MTREX: variants seen among roughly 807,000 people sequenced by gnomAD.
The protein encoded by MTREX is exosome RNA helicase MTR4.
Under a neutral mutation model 135.4 loss-of-function variants are expected in MTREX, and 76 were observed. That is an observed-to-expected ratio of 0.56 (90% CI 0.47 to 0.68). MTREX has a LOEUF of 0.68. Among genes scored for constraint, MTREX ranks in the 30% least tolerant of loss-of-function variants. The pLI is 0.00. For synonymous variants in MTREX, 404 were observed against 401.6 expected, an observed-to-expected ratio of 1.01 and a Z score of -0.07; for missense variants, 920 against 1,262.1, an observed-to-expected ratio of 0.73 and a Z score of 4.11.
chr5:55,359,606 T>C (rs1242862512), intron 15 of MTREX, among the ~76,000 whole-genome samples: 1 of 152,214 alleles, frequency 6.6e-6, no homozygotes, highest in Non-Finnish European at 1.5e-5. Flanking sequence ...ATAATCGTAT[T>C]GTGTCTTATT....
intron 16 of MTREX, 132 bp from the exon 17 acceptor site, chr5:55,378,182 T>G: frequency 9.6e-7 from 1 of 1,038,290 alleles, no homozygotes; most frequent in Non-Finnish European, 1.3e-6. Context: ...CATAGAGACT[T>G]ACAGGAAGGT....
chr5:55,358,451 T>G (rs1169252483), intron 14 of MTREX, 122 bp from the exon 15 acceptor site: 3 of 834,594 alleles, frequency 3.6e-6, no homozygotes, highest in Non-Finnish European at 5.3e-6. Context: ...ATGTTGTTTT[T>G]AATCATGTTT....
At chr5:55,388,387 A>T (rs1750512458) in intron 19 of MTREX, among the ~76,000 whole-genome samples, 1 of 152,136 alleles carries the variant, frequency 6.6e-6, no homozygotes, top group South Asian at 2.1e-4. Context: ...GGATTTTGCC[A>T]GGGCCATAAA....
At position 55,425,321 on chromosome 5, in the gene MTREX, GATAC is replaced by G; in HGVS notation, c.*553_*556del. 1 of 1,603,286 alleles carries G rather than the reference GATAC, an allele frequency of 6.2e-7. No homozygotes were observed. Among genetic ancestry groups the G allele is most frequent in the Non-Finnish European group, 8.5e-7 (1 of 1,170,928 alleles). On this transcript the variant is annotated 3_prime_UTR_variant, in exon 27 of 27. Transcript: ENST00000230640. ...AGAAGTTCTTTCTTTGAAGAAATCC[GATAC>G]ATATACAGCCTACAGTGCAAAATAT...
At chr5:55,329,715 C>T (rs1369614224) in intron 5 of MTREX, among the ~76,000 whole-genome samples, 1 of 152,132 alleles carries the variant, frequency 6.6e-6, no homozygotes, top group Admixed American at 6.5e-5. Flanking sequence ...TTTTGACTTG[C>T]ATAGTTTATG....
chr5:55,400,256 C>T lies in MTREX; in HGVS notation c.2316C>T (p.Asp772=), dbSNP rs143135345. ...SIQEVQKRFP[D]GIPLLDPIDD... ...AGGAAGTTCAGAAACGTTTTCCTGA[C>T]GGCATCCCCTTATTAGACCCTATTG... The change falls in exon 21 of 27, where the codon GAC becomes GAT. Residue 772 remains aspartate (D), a synonymous_variant. Coordinates refer to ENST00000230640, the MANE Select transcript of MTREX (RefSeq NM_015360.5). 45 of 1,569,682 alleles carry T rather than the reference C, an allele frequency of 2.9e-5. No homozygotes were observed. The highest frequency in any genetic ancestry group is 4.5e-5 in the East Asian group (2 of 44,342).
intron 2 of MTREX, among the ~76,000 whole-genome samples, 165 bp from the exon 3 acceptor site, chr5:55,323,967 A>T (rs1194167789): frequency 6.6e-6 from 1 of 152,222 alleles, no homozygotes; most frequent in Non-Finnish European, 1.5e-5. Flanking sequence ...ATATATTTGC[A>T]TAATGTGAAA....
intron 5 of MTREX, among the ~76,000 whole-genome samples, chr5:55,331,469 A>T (rs1749474079): frequency 6.6e-6 from 1 of 152,172 alleles, no homozygotes; most frequent in Admixed American, 6.5e-5. Context: ...GTATCTTGTG[A>T]ATTCTGAGGT....
intron 1 of MTREX, among the ~76,000 whole-genome samples, chr5:55,318,520 C>G (rs1005458313): frequency 2.0e-5 from 3 of 152,120 alleles, no homozygotes; most frequent in Non-Finnish European, 2.9e-5. Flanking sequence ...AATGCAGGAA[C>G]AGAAAACCAA....
intron 15 of MTREX, among the ~76,000 whole-genome samples, chr5:55,363,803 G>T (rs997567958): frequency 1.3e-5 from 2 of 152,138 alleles, no homozygotes; most frequent in African/African-American, 4.8e-5. Flanking sequence ...TCTGTTTCTT[G>T]TTTAAAATGG....
chr5:55,337,332 A>T (rs1462390620), intron 5 of MTREX, among the ~76,000 whole-genome samples: 1 of 151,830 alleles, frequency 6.6e-6, no homozygotes, highest in Non-Finnish European at 1.5e-5. Flanking sequence ...TATTTTTTGT[A>T]GCGACAGGGT....
chr5:55,388,064 G>A lies in MTREX; in HGVS notation c.2143G>A (p.Ala715Thr), dbSNP rs1292568368. ...CTTGAAAAATTCAGCTACAGAAGCT[G>A]CAAAACCAGCTAAACCTGATGAGAA... ...ESLKNSATEA[A>T]KPAKPDEKGE... Residue 715 changes from alanine (A) to threonine (T), a missense_variant, in exon 19 of 27, where the codon GCA becomes ACA. By Grantham distance (58) the Ala-to-Thr change is moderately conservative. Coordinates refer to ENST00000230640, the MANE Select transcript of MTREX (RefSeq NM_015360.5). 2 of 1,608,850 alleles carry A rather than the reference G, an allele frequency of 1.2e-6. No individual in the cohort carries two copies. Among genetic ancestry groups the A allele is most frequent in the Non-Finnish European group, 1.7e-6 (2 of 1,176,412 alleles).
Position 55,425,473 on chromosome 5 carries a change from G to GAGAC in MTREX, c.*702_*705dup. The GAGAC allele has an allele frequency of 1.3e-6, 1 of 746,760 alleles. No homozygotes were observed. Among genetic ancestry groups the GAGAC allele is most frequent in the East Asian group, 3.2e-5 (1 of 31,650 alleles). The allele number at this position is 746,760 out of a possible 1,614,324, so 46.3% of individuals were successfully genotyped here. On this transcript the variant is annotated 3_prime_UTR_variant, in exon 27 of 27. Coordinates refer to ENST00000230640, the MANE Select transcript of MTREX (RefSeq NM_015360.5). ...TACAGATTAAGCATATAAAAAATTA[G>GAGAC]AGACTAACTGGGATTTTTTAAAGAT...
chr5:55,400,225 TTTTTCAGGAA>T lies in MTREX; in HGVS notation c.2293-7_2295del. ...AAGATGAAAATGAATTTTACATATT[TTTTTCAGGAA>T]GTTCAGAAACGTTTTCCTGACGGCA... On this transcript the variant is annotated splice_acceptor_variant and splice_polypyrimidine_tract_variant and coding_sequence_variant and intron_variant, in exon 21 of 27. Coordinates refer to ENST00000230640, the MANE Select transcript of MTREX (RefSeq NM_015360.5). LOFTEE classifies it high-confidence loss of function. 1.3e-6 allele frequency: 2 copies of T among 1,548,516 alleles called. No individual in the cohort carries two copies. The highest frequency in any genetic ancestry group is 1.7e-6 in the Non-Finnish European group (2 of 1,145,942).
At chr5:55,316,942 A>G (rs1353072634) in intron 1 of MTREX, among the ~76,000 whole-genome samples, 1 of 152,200 alleles carries the variant, frequency 6.6e-6, no homozygotes, top group Non-Finnish European at 1.5e-5. Context: ...GGATACAAAA[A>G]TTAGTGTACA....
intron 20 of MTREX, among the ~76,000 whole-genome samples, chr5:55,398,208 C>CT (rs1311238981): frequency 6.6e-6 from 1 of 151,062 alleles, no homozygotes; most frequent in African/African-American, 2.4e-5. Flanking sequence ...TCACTGCACT[C>CT]TAGCATGTGC....
At chr5:55,337,921 C>T (rs1365127156) in intron 5 of MTREX, among the ~76,000 whole-genome samples, 2 of 151,778 alleles carry the variant, frequency 1.3e-5, no homozygotes, top group Non-Finnish European at 2.9e-5. Context: ...TATTTTGGGG[C>T]TTACAGTATG....
chr5:55,349,436 G>T, intron 11 of MTREX, 137 bp from the exon 12 acceptor site: 1 of 589,508 alleles, frequency 1.7e-6, no homozygotes, highest in Non-Finnish European at 3.1e-6. Context: ...CCAGCCACCT[G>T]CCTCAGCCTC....
chr5:55,308,253 G>A lies in MTREX; in HGVS notation c.134+106G>A, dbSNP rs111856852. ...CGAGAAAGTGAAGTGTACATTGAGT[G>A]GCGTTGGAAGTGAAGGGGTTCCAGA... is the stretch of plus-strand genomic sequence containing the variant. On this transcript the variant is annotated intron_variant, in intron 1 of 26. Transcript: ENST00000230640. 1,471 of 1,345,982 alleles carry A rather than the reference G, an allele frequency of 1.1e-3. 11 individuals carry two copies. The African/African-American group carries it at 0.021, about 19-fold the overall frequency. The allele number at this position is 1,345,982 out of a possible 1,614,324, so 83.4% of individuals were successfully genotyped here.
Sources: gnomAD v4.1 joint callset for allele counts (sites outside exome capture counted in the v4.1 genomes callset) on GRCh38, gnomAD v4.1.1 for gene constraint, MANE v1.5 for transcripts, NCBI Gene and HGNC (gene_info 2026-07-23, HGNC 2026-07-21) for gene names.